The following VWA8 variants were observed in gnomAD, a reference collection of about 807,000 sequenced individuals.
The protein encoded by VWA8 is von Willebrand factor A domain-containing protein 8.
In VWA8, 221 loss-of-function variants were observed where a neutral mutation model predicts 241.5. The ratio of observed to expected loss-of-function variants is 0.91; its 90% CI spans 0.82 to 1.02. The LOEUF (loss-of-function observed/expected upper bound fraction) is 1.02, where lower values mean the gene tolerates loss of function less well. Among genes scored for constraint, VWA8 ranks in the 50% least tolerant of loss-of-function variants. The probability of loss-of-function intolerance (pLI) is 0.00; values close to 1 mark genes in which losing one functional copy is unlikely to be tolerated. For missense variants in VWA8, 2,322 were observed against 2,328.7 expected (o/e 1.00, Z 0.06); for synonymous variants, 852 against 827.1 (o/e 1.03, Z -0.52).
In VWA8 at chr13:41,883,511, C is replaced by T; in HGVS notation, c.976-20G>A. 6.4e-7 allele frequency: 1 copy of T among 1,563,314 alleles called. No individual in the cohort carries two copies. Among genetic ancestry groups the T allele is most frequent in the East Asian group, 2.2e-5 (1 of 44,570 alleles). ...GGAATCCTATGTAGGAGCAAAAATA[C>T]ATAGGAATGAGCAAAATTCAAAATA... is the stretch of plus-strand genomic sequence containing the variant. On this transcript the variant is annotated intron_variant, in intron 8 of 44. Transcript: ENST00000379310.
chr13:41,804,637 G>A (rs1451569477), intron 17 of VWA8, among the ~76,000 whole-genome samples: 2 of 152,112 alleles, frequency 1.3e-5, no homozygotes, highest in East Asian at 1.9e-4. Context: ...ACATTTATTT[G>A]TAGTATGTAA....
rs556692733 is a variant in VWA8 at position 41,739,878 on chromosome 13, A to G, written c.2427-7723T>C. Among the ~76,000 whole-genome samples the G allele has an allele frequency of 7.8e-3, 945 of 121,768 alleles. 7 individuals are homozygous for G. Among genetic ancestry groups the G allele is most frequent in the Middle Eastern group, 0.055 (9 of 164 alleles). The allele number at this position is 121,768 out of a possible 152,430, so 79.9% of individuals were successfully genotyped here. The stretch of plus-strand genomic sequence containing the variant: ...TTTTGTTTTTTTTTTTTTTTGAGAC[A>G]GAGTCTTGCTCTGTCGCCCAGGCTG... On this transcript the variant is annotated intron_variant, in intron 21 of 44. Coordinates refer to ENST00000379310, the MANE Select transcript of VWA8 (RefSeq NM_015058.2).
At chr13:41,931,294 A>C (rs1026390979) in intron 2 of VWA8, among the ~76,000 whole-genome samples, 272 of 145,866 alleles carry the variant, frequency 1.9e-3, no homozygotes, top group African/African-American at 6.7e-3. Flanking sequence ...AAAAAAAAAA[A>C]AAAAAAAAAA....
At chr13:41,719,305 C>T (rs766127040) in intron 26 of VWA8, 65 of 1,177,562 alleles carry the variant, frequency 5.5e-5, no homozygotes, top group Middle Eastern at 3.4e-4. Context: ...AATAGTAATA[C>T]GCATAGTAAT....
At chr13:41,775,627 C>T (rs1868559112) in intron 20 of VWA8, among the ~76,000 whole-genome samples, 1 of 152,148 alleles carries the variant, frequency 6.6e-6, no homozygotes, top group Non-Finnish European at 1.5e-5. Flanking sequence ...CAACCATCTA[C>T]CTATGGAGCT....
intron 13 of VWA8, 85 bp downstream of exon 13, chr13:41,833,280 AAAAAAG>A: frequency 7.1e-7 from 1 of 1,416,196 alleles, no homozygotes; most frequent in Non-Finnish European, 9.2e-7. Context: ...CCCAGTTTAA[AAAAAAG>A]AAAAAGAATG....
intron 37 of VWA8, among the ~76,000 whole-genome samples, chr13:41,626,200 T>A (rs889763235): frequency 6.6e-6 from 1 of 152,012 alleles, no homozygotes; most frequent in Non-Finnish European, 1.5e-5. Context: ...ACCTGCACAT[T>A]GTGCGCATGT....
chr13:41,647,615 G>GT (rs759551263), intron 37 of VWA8, among the ~76,000 whole-genome samples: 10 of 152,128 alleles, frequency 6.6e-5, no homozygotes, highest in Non-Finnish European at 1.3e-4. Flanking sequence ...AACAGCAATG[G>GT]TTTTTTCCCT....
chr13:41,677,159 T>C (rs1428161172), intron 35 of VWA8, among the ~76,000 whole-genome samples: 1 of 152,106 alleles, frequency 6.6e-6, no homozygotes, highest in African/African-American at 2.4e-5. Flanking sequence ...TATGATCAGC[T>C]CTCAGGATCC....
chr13:41,674,345 G>T (rs1228058463), intron 36 of VWA8, among the ~76,000 whole-genome samples: 3 of 152,172 alleles, frequency 2.0e-5, no homozygotes, highest in Admixed American at 6.5e-5. Context: ...GGCCCTCCAG[G>T]CTACTCTGCT....
At chr13:41,893,121 G>A (rs549699311) in intron 4 of VWA8, among the ~76,000 whole-genome samples, 3 of 152,256 alleles carry the variant, frequency 2.0e-5, no homozygotes, top group South Asian at 4.1e-4. Context: ...TGTTTGATGA[G>A]GGGAAAACAT....
At chr13:41,756,698 A>G (rs183083441) in intron 21 of VWA8, among the ~76,000 whole-genome samples, 442 of 151,826 alleles carry the variant, frequency 2.9e-3, no homozygotes, top group African/African-American at 0.01. Context: ...TTTCTGGAGT[A>G]TAAATTTCAA....
chr13:41,705,331 G>T (rs569722003), intron 26 of VWA8, among the ~76,000 whole-genome samples: 2 of 152,102 alleles, frequency 1.3e-5, no homozygotes, highest in East Asian at 1.9e-4. Flanking sequence ...GGAATAAAGG[G>T]TTTTACAATT....
At chr13:41,808,343 C>T (rs181020676) in intron 17 of VWA8, among the ~76,000 whole-genome samples, 1 of 152,188 alleles carries the variant, frequency 6.6e-6, no homozygotes, top group East Asian at 1.9e-4. Context: ...TGGTGCTGTA[C>T]AGGACACATG....
intron 37 of VWA8, among the ~76,000 whole-genome samples, chr13:41,657,916 C>T (rs1335232119): frequency 2.0e-5 from 3 of 152,216 alleles, no homozygotes; most frequent in South Asian, 2.1e-4. Flanking sequence ...TGTCCTAAGA[C>T]GTCTACTGGA....
Position 41,775,247 on chromosome 13 carries a change from A to G in VWA8, c.2349+2738T>C, listed in dbSNP as rs1047047285. ...ACTTCCAAAAAAACATTCCTTCAAC[A>G]TTGGTATTATAATATAACACTGATG... is the stretch of plus-strand genomic sequence containing the variant. On this transcript the variant is annotated intron_variant, in intron 20 of 44. Transcript: ENST00000379310. Among the ~76,000 whole-genome samples the G allele has an allele frequency of 2.6e-5, 4 of 152,178 alleles. No individual in the cohort carries two copies. The East Asian group carries it at 7.7e-4, about 29-fold the overall frequency.
intron 12 of VWA8, among the ~76,000 whole-genome samples, chr13:41,850,199 C>G (rs1049475263): frequency 6.6e-6 from 1 of 152,118 alleles, no homozygotes; most frequent in Non-Finnish European, 1.5e-5. Context: ...TATACACATG[C>G]CCAAAGGCCT....
intron 20 of VWA8, among the ~76,000 whole-genome samples, chr13:41,771,175 T>G (rs1369928870): frequency 6.6e-6 from 1 of 152,160 alleles, no homozygotes; most frequent in Non-Finnish European, 1.5e-5. Flanking sequence ...CAGGCTAGAG[T>G]GCAGTGCTGT....
Position 41,615,068 on chromosome 13 carries a change from T to C in VWA8, c.4628A>G (p.Asp1543Gly). The C allele has an allele frequency of 6.2e-7, 1 of 1,613,882 alleles. No individual in the cohort carries two copies. Among genetic ancestry groups the C allele is most frequent in the Non-Finnish European group, 8.5e-7 (1 of 1,179,916 alleles). The change falls in exon 38 of 45, where the codon GAC becomes GGC. Residue 1543 changes from aspartate (D) to glycine (G), a missense_variant. Physicochemically the swap from Asp to Gly is moderately conservative, Grantham distance 94. Coordinates refer to ENST00000379310, the MANE Select transcript of VWA8 (RefSeq NM_015058.2). The part of the protein sequence containing the change: ...DRNMQITINR[D>G]SGEDVSSPKH... The stretch of plus-strand genomic sequence containing the variant: ...GGGGGAGCTTACATCTTCACCACTG[T>C]CTCTGTTGATTGTTATCTAAAAATG...
Sources: allele counts gnomAD v4.1 joint callset (sites outside exome capture counted in the v4.1 genomes callset), GRCh38; gene constraint gnomAD v4.1.1; transcripts MANE v1.5; gene names NCBI Gene and HGNC (gene_info 2026-07-23, HGNC 2026-07-21).